Variants in SCN1A observed in about 807,000 individuals in gnomAD.
SCN1A encodes sodium voltage-gated channel alpha subunit 1, also known as sodium channel protein type 1 subunit alpha.
Under a neutral mutation model 193.7 loss-of-function variants are expected in SCN1A, and 13 were observed. The ratio of observed to expected loss-of-function variants is 0.07; its 90% CI spans 0.04 to 0.11. The LOEUF is 0.11. SCN1A is among the 10% of genes least tolerant of loss of function. The pLI, the probability that SCN1A is intolerant of heterozygous loss-of-function variation, is 1.00. For synonymous variants in SCN1A, 781 were observed against 843.6 expected (o/e 0.93, Z 1.29); for missense variants, 1,432 against 2,451.1 (o/e 0.58, Z 8.78).
In SCN1A at chr2:166,048,930, C is replaced by T; in HGVS notation, c.984G>A (p.Glu328=). 6.2e-7 allele frequency: 1 copy of T among 1,605,590 alleles called. No individual in the cohort carries two copies. Among genetic ancestry groups the T allele is most frequent in the Non-Finnish European group, 8.5e-7 (1 of 1,172,930 alleles). The change falls in exon 10 of 29, where the codon GAG becomes GAA. Residue 328 remains glutamate, a synonymous_variant. Transcript: ENST00000674923. ...CACATAGTAGTGCATCTAAAAAACC[C>T]TCCAGGAAATAATGATATCCTGTTT... The part of the protein sequence containing the change: ...IQDSRYHYFL[E]GFLDALLCGN...
intron 4 of SCN1A, among the ~76,000 whole-genome samples, chr2:166,061,582 C>T (rs1352992285): frequency 6.6e-6 from 1 of 152,054 alleles, no homozygotes; most frequent in African/African-American, 2.4e-5. Flanking sequence ...GTTCCCAACA[C>T]AAAAAATGAT....
intron 19 of SCN1A, among the ~76,000 whole-genome samples, chr2:166,019,502 C>G (rs545685108): frequency 6.6e-6 from 1 of 152,254 alleles, no homozygotes; most frequent in Non-Finnish European, 1.5e-5. Flanking sequence ...CAATATCACT[C>G]TTTCAGCACC....
chr2:166,042,285 TACCA>T lies in SCN1A; in HGVS notation c.2176+3_2176+6del. ...TAATTGAAACGAAAATAGAATTTGTTACCAACCTTCTACTGTATTTGTTAGAATG... is the reference window on the plus strand; with the variant it reads ...TAATTGAAACGAAAATAGAATTTGTTACCTTCTACTGTATTTGTTAGAATG... On this transcript the variant is annotated splice_donor_5th_base_variant and intron_variant, in intron 15 of 28. Transcript: ENST00000674923. 1 of 1,611,564 alleles carries T rather than the reference TACCA, an allele frequency of 6.2e-7. No individual in the cohort carries two copies.
At chr2:166,143,167 A>ATTTTTT (rs66499233) in intron 1 of SCN1A, among the ~76,000 whole-genome samples, 1 of 126,180 alleles carries the variant, frequency 7.9e-6, no homozygotes, top group Non-Finnish European at 1.6e-5. Flanking sequence ...AGAACTCAGC[A>ATTTTTT]TTTTTTTTTT....
chr2:166,068,575 T>C lies in SCN1A; in HGVS notation c.264+4783A>G, dbSNP rs139330866. 3.3e-5 allele frequency among the ~76,000 whole-genome samples: 5 copies of C among 152,292 alleles called. No individual in the cohort carries two copies. In the East Asian group the frequency reaches 9.7e-4, roughly 29 times the overall value. The stretch of plus-strand genomic sequence containing the variant: ...AATCATCCTCTTTTCTGATTTCCCG[T>C]TAATTACTTTTGCAAGAAAAACTCC... On this transcript the variant is annotated intron_variant, in intron 4 of 28. Coordinates refer to ENST00000674923, the MANE Select transcript of SCN1A (RefSeq NM_001165963.4).
chr2:166,134,808 C>T (rs145105954), intron 1 of SCN1A, among the ~76,000 whole-genome samples: 1 of 152,306 alleles, frequency 6.6e-6, no homozygotes, highest in African/African-American at 2.4e-5. Flanking sequence ...CAACATTTCA[C>T]ATGCCTGAGC....
chr2:166,112,937 G>A (rs1052128853), intron 2 of SCN1A, among the ~76,000 whole-genome samples: 1 of 152,144 alleles, frequency 6.6e-6, no homozygotes, highest in Non-Finnish European at 1.5e-5. Context: ...TATACTTTCT[G>A]CTATATGTCT....
At chr2:166,084,516 T>C (rs1685887196) in intron 2 of SCN1A, among the ~76,000 whole-genome samples, 1 of 152,050 alleles carries the variant, frequency 6.6e-6, no homozygotes, top group African/African-American at 2.4e-5. Context: ...GAGTCAGCAA[T>C]TGTCTTTTTA....
chr2:166,139,078 G>T (rs1691978514), intron 1 of SCN1A, among the ~76,000 whole-genome samples: 1 of 152,174 alleles, frequency 6.6e-6, no homozygotes, highest in Non-Finnish European at 1.5e-5. Flanking sequence ...CCCAATGCCT[G>T]TACTCCCATT....
chr2:166,007,218 G>C (rs1274294892), intron 23 of SCN1A: 1 of 150,990 alleles, frequency 6.6e-6, no homozygotes, highest in Non-Finnish European at 1.5e-5. Context: ...AGCAAAAGGG[G>C]TAATACAGTA....
At chr2:166,010,261 A>C (rs1692253281) in intron 22 of SCN1A, among the ~76,000 whole-genome samples, 1 of 151,186 alleles carries the variant, frequency 6.6e-6, no homozygotes, top group Non-Finnish European at 1.5e-5. Context: ...AAAAGCAGGA[A>C]GTTTCTACTG....
intron 2 of SCN1A, among the ~76,000 whole-genome samples, chr2:166,121,418 T>C (rs1407310138): frequency 6.6e-6 from 1 of 152,218 alleles, no homozygotes; most frequent in Admixed American, 6.5e-5. Flanking sequence ...TTCCTAATTT[T>C]ATATCCTTTT....
intron 19 of SCN1A, among the ~76,000 whole-genome samples, chr2:166,030,894 A>G (rs531068023): frequency 2.8e-4 from 42 of 152,230 alleles, no homozygotes; most frequent in African/African-American, 9.1e-4. Flanking sequence ...TGGGGAGATA[A>G]GATTTTATAT....
chr2:166,021,216 G>A (rs934492423), intron 19 of SCN1A, among the ~76,000 whole-genome samples: 1 of 152,120 alleles, frequency 6.6e-6, no homozygotes, highest in African/African-American at 2.4e-5. Flanking sequence ...CAGAAAAAGT[G>A]ACATGTGACT....
chr2:166,031,655 T>C (rs1465282523), intron 19 of SCN1A, among the ~76,000 whole-genome samples: 1 of 152,166 alleles, frequency 6.6e-6, no homozygotes, highest in Non-Finnish European at 1.5e-5. Flanking sequence ...ATGTTACCAG[T>C]AGTAATTCTT....
rs975217185 is a variant in SCN1A at position 166,113,726 on chromosome 2, T to A, written c.-142+13198A>T. Among the ~76,000 whole-genome samples, 4 of 152,206 alleles carry A rather than the reference T, an allele frequency of 2.6e-5. No individual in the cohort carries two copies. In the South Asian group the frequency reaches 8.3e-4, roughly 32 times the overall value. On this transcript the variant is annotated intron_variant, in intron 2 of 28. Coordinates refer to ENST00000674923, the MANE Select transcript of SCN1A (RefSeq NM_001165963.4). ...ACACAATGGAGACTTGGAAGGGTAG[T>A]AGGTGCAAGGTGGGTGGATGATAGG...
Position 165,990,492 on chromosome 2 carries a change from C to G in SCN1A, c.*753G>C, listed in dbSNP as rs138892324. 1 of 152,414 alleles carries G rather than the reference C, an allele frequency of 6.6e-6. No individual in the cohort carries two copies. The highest frequency in any genetic ancestry group is 1.9e-4 in the East Asian group (1 of 5,162). The allele number at this position is 152,414 out of a possible 1,614,324, so 9.4% of individuals were successfully genotyped here. ...ACTCCAAACATTTGAATGAAGTTTG[C>G]ACCTGCTAAGATTTACTGGCCTACC... On this transcript the variant is annotated 3_prime_UTR_variant, in exon 29 of 29. Transcript: ENST00000674923.
chr2:166,035,915 C>A, intron 19 of SCN1A, 133 bp downstream of exon 19: 1 of 892,056 alleles, frequency 1.1e-6, no homozygotes, highest in Non-Finnish European at 1.7e-6. Flanking sequence ...ATGGCTATTG[C>A]TTTTGTATTA....
intron 2 of SCN1A, among the ~76,000 whole-genome samples, chr2:166,086,227 C>T (rs1686099842): frequency 6.6e-6 from 1 of 152,032 alleles, no homozygotes; most frequent in East Asian, 1.9e-4. Flanking sequence ...GAAATCAGCC[C>T]TTTCAAAAGA....
Sources: allele counts gnomAD v4.1 joint callset (sites outside exome capture counted in the v4.1 genomes callset), GRCh38; gene constraint gnomAD v4.1.1; transcripts MANE v1.5; gene names NCBI Gene and HGNC (gene_info 2026-07-23, HGNC 2026-07-21).